PLCXD1: variants seen among roughly 807,000 people sequenced by gnomAD.
PLCXD1 encodes phosphatidylinositol specific phospholipase C X domain containing 1.
In PLCXD1, 45 loss-of-function variants were observed where a neutral mutation model predicts 37.8. The observed-to-expected ratio is 1.19, with a 90% CI of 0.94 to 1.53. PLCXD1 has a LOEUF of 1.53. Ranked by LOEUF, PLCXD1 falls within the 40% of genes most tolerant of loss-of-function variation. PLCXD1 has a pLI of 0.00. For missense variants in PLCXD1, 539 were observed against 454.7 expected, an observed-to-expected ratio of 1.19 and a Z score of -1.69; for synonymous variants, 246 against 206.9, an observed-to-expected ratio of 1.19 and a Z score of -1.62.
intron 1 of PLCXD1, among the ~76,000 whole-genome samples, chrX:282,412 A>C (rs866005866): frequency 2.3e-4 from 34 of 144,774 alleles, no homozygotes; most frequent in African/African-American, 8.5e-4. Flanking sequence ...CAAAAAAAAA[A>C]CCGTACATAC....
upstream of PLCXD1, among the ~76,000 whole-genome samples, chrX:279,039 C>G (rs1347562991): frequency 6.6e-6 from 1 of 151,928 alleles, no homozygotes; most frequent in Non-Finnish European, 1.5e-5. Context: ...AGGGGTGGCT[C>G]AATAGGAGTT....
In PLCXD1 at chrX:291,501, C is replaced by G; in HGVS notation, c.396C>G (p.Asp132Glu). The change falls in exon 5 of 7, where the codon GAC becomes GAG. Residue 132 changes from aspartate (D) to glutamate (E), a missense_variant and splice_region_variant. Coordinates refer to ENST00000381657, the MANE Select transcript of PLCXD1 (RefSeq NM_018390.4). The part of the protein sequence containing the change: ...HMVYTTALVE[D>E]TLTEISEWLE... Reference sequence around the variant, plus strand: ...CAGCCCAGCACCCCCCTCCCCAGGACACACTCACGGAAATCTCGGAGTGGC... The same window carrying G: ...CAGCCCAGCACCCCCCTCCCCAGGAGACACTCACGGAAATCTCGGAGTGGC... 1 of 1,612,470 alleles carries G rather than the reference C, an allele frequency of 6.2e-7. No homozygotes were observed. Among genetic ancestry groups the G allele is most frequent in the Non-Finnish European group, 8.5e-7 (1 of 1,179,850 alleles).
At position 291,426 on chromosome X, in the gene PLCXD1, G is replaced by A. The variant is rs1204324553; in HGVS notation, c.394-73G>A. 33 of 1,562,604 alleles carry A rather than the reference G, an allele frequency of 2.1e-5. 1 individual carries two copies. The Admixed American group carries it at 5.0e-4, about 24-fold the overall frequency. On this transcript the variant is annotated intron_variant, in intron 4 of 6. Transcript: ENST00000381657. The stretch of plus-strand genomic sequence containing the variant: ...CTCCCAAATTGCTGGGATGACAGGC[G>A]TGAGCCGCCACACCCCGCCTTCCCT...
chrX:292,374 G>T (rs1170759009), intron 5 of PLCXD1, among the ~76,000 whole-genome samples: 1 of 152,062 alleles, frequency 6.6e-6, no homozygotes. Flanking sequence ...CAGGAGAATG[G>T]TGTGAACCCG....
Position 290,651 on chromosome X carries a change from C to G in PLCXD1, c.268C>G (p.Leu90Val), listed in dbSNP as rs146071665. 5.0e-6 allele frequency: 8 copies of G among 1,613,586 alleles called. No homozygotes were observed. In the East Asian group the frequency reaches 1.6e-4, roughly 31 times the overall value. Residue 90 changes from leucine to valine, a missense_variant, in exon 4 of 7, where the codon CTG becomes GTG. Physicochemically the swap from Leu to Val is conservative, Grantham distance 32 (BLOSUM62 1). Transcript: ENST00000381657. Reference protein sequence around the residue: ...VVLKWSVTQALDVTEQLDAGV... With the variant: ...VVLKWSVTQAVDVTEQLDAGV... ...TGACAGCAGCCTCTGTCCACAGGCA[C>G]TGGACGTCACAGAGCAGCTGGATGC...
At chrX:293,382 G>C (rs1218776275) in intron 6 of PLCXD1, among the ~76,000 whole-genome samples, 164 bp downstream of exon 6, 3 of 152,216 alleles carry the variant, frequency 2.0e-5, no homozygotes, top group Non-Finnish European at 1.5e-5. Context: ...CCAGCACTTC[G>C]GGAGGCCGAG....
intron 6 of PLCXD1, among the ~76,000 whole-genome samples, chrX:296,229 T>C (rs1381303834): frequency 6.6e-6 from 1 of 152,152 alleles, no homozygotes; most frequent in Non-Finnish European, 1.5e-5. Flanking sequence ...CAAGTGATTC[T>C]CCTGCCTCAG....
At chrX:285,610 T>C (rs920491553) in intron 2 of PLCXD1, among the ~76,000 whole-genome samples, 20 of 151,830 alleles carry the variant, frequency 1.3e-4, no homozygotes, top group Non-Finnish European at 2.5e-4. Context: ...TATGCACACG[T>C]GTACACAGGC....
intron 5 of PLCXD1, among the ~76,000 whole-genome samples, chrX:292,372 T>C (rs903853903): frequency 1.2e-3 from 184 of 151,872 alleles, no homozygotes; most frequent in African/African-American, 4.2e-3. Flanking sequence ...GGCAGGAGAA[T>C]GGTGTGAACC....
In PLCXD1 at chrX:299,463, A is replaced by T; in HGVS notation, c.*128A>T. The T allele has an allele frequency of 1.3e-6, 1 of 768,340 alleles. No individual in the cohort carries two copies. Among genetic ancestry groups the T allele is most frequent in the Non-Finnish European group, 2.2e-6 (1 of 449,556 alleles). 47.6% of individuals were successfully genotyped at this position (768,340 alleles called of 1,614,324 possible). A position where few individuals can be genotyped will look rare whatever the true frequency, so the allele number is the denominator to read the frequency against. On this transcript the variant is annotated 3_prime_UTR_variant, in exon 7 of 7. Coordinates refer to ENST00000381657, the MANE Select transcript of PLCXD1 (RefSeq NM_018390.4). ...ATGATAATACGTTTTCATTTTCTTTAAAATAGAGATGGGGTGGCTGGGCGT... is the reference window on the plus strand; with the variant it reads ...ATGATAATACGTTTTCATTTTCTTTTAAATAGAGATGGGGTGGCTGGGCGT...
chrX:285,420 A>G (rs987256335), intron 2 of PLCXD1, among the ~76,000 whole-genome samples: 2 of 152,130 alleles, frequency 1.3e-5, no homozygotes, highest in South Asian at 2.1e-4. Flanking sequence ...ACCTGCAGAT[A>G]TACACAGGTG....
rs1041913035 is a variant in PLCXD1 at position 300,681 on chromosome X, CGTGT to C, written c.*1349_*1352del. ...ATACACACGTATACATATATACGTGCGTGTGTATGTGTATATATATATATGTGTA... is the reference window on the plus strand; with the variant it reads ...ATACACACGTATACATATATACGTGCGTATGTGTATATATATATATGTGTA... On this transcript the variant is annotated 3_prime_UTR_variant, in exon 7 of 7. Coordinates refer to ENST00000381657, the MANE Select transcript of PLCXD1 (RefSeq NM_018390.4). 4.1e-4 allele frequency: 62 copies of C among 151,188 alleles called. No homozygotes were observed. The highest frequency in any genetic ancestry group is 1.2e-3 in the African/African-American group (51 of 41,096). The allele number at this position is 151,188 out of a possible 1,614,324, so 9.4% of individuals were successfully genotyped here.
chrX:291,833 G>A (rs2069646133), intron 5 of PLCXD1, among the ~76,000 whole-genome samples, 179 bp downstream of exon 5: 1 of 152,146 alleles, frequency 6.6e-6, no homozygotes, highest in Middle Eastern at 3.2e-3. Context: ...CCGGTGGGGT[G>A]GCTCCTGGTG....
intron 2 of PLCXD1, among the ~76,000 whole-genome samples, chrX:284,607 C>CATCT (rs1270216999): frequency 5.9e-5 from 1 of 16,960 alleles, no homozygotes; most frequent in Admixed American, 5.8e-4. Context: ...CACGCACACA[C>CATCT]GCACACATGC....
upstream of PLCXD1, among the ~76,000 whole-genome samples, chrX:279,652 T>C (rs1044781137): frequency 1.3e-5 from 2 of 151,926 alleles, no homozygotes; most frequent in East Asian, 1.9e-4. Context: ...CAAGTGCTTG[T>C]AATCCCAGCT....
At chrX:288,481 G>A (rs1420861763) in intron 2 of PLCXD1, among the ~76,000 whole-genome samples, 2 of 152,116 alleles carry the variant, frequency 1.3e-5, no homozygotes, top group Non-Finnish European at 2.9e-5. Flanking sequence ...CTGGATTTGG[G>A]GGCCCGCCCT....
intron 6 of PLCXD1, among the ~76,000 whole-genome samples, chrX:294,512 C>T (rs2069743773): frequency 6.6e-6 from 1 of 151,328 alleles, no homozygotes; most frequent in African/African-American, 2.4e-5. Context: ...CACCTGTAAT[C>T]CCATCTACTT....
chrX:283,523 A>AGTGGGGGCGGCCATGGTGTCAGGCACGG (rs1557375328), intron 1 of PLCXD1: 1 of 93,806 alleles, frequency 1.1e-5, no homozygotes, highest in Non-Finnish European at 2.3e-5. Flanking sequence ...GCCTGAGGGT[A>AGTGGGGGCGGCCATGGTGTCAGGCACGG]GTGGGGGCGG....
intron 2 of PLCXD1, among the ~76,000 whole-genome samples, chrX:284,707 G>T (rs1205190313): frequency 6.6e-6 from 1 of 152,022 alleles, no homozygotes; most frequent in African/African-American, 2.4e-5. Context: ...TACTGTGTTG[G>T]TCTGTTCTCA....
Sources: allele counts gnomAD v4.1 joint callset (sites outside exome capture counted in the v4.1 genomes callset), GRCh38; gene constraint gnomAD v4.1.1; transcripts MANE v1.5; gene names NCBI Gene and HGNC (gene_info 2026-07-23, HGNC 2026-07-21).